Variants in RASGRP3 observed in about 807,000 individuals in gnomAD.
The protein encoded by RASGRP3 is RAS guanyl releasing protein 3.
In RASGRP3, 54 loss-of-function variants were observed where a neutral mutation model predicts 82.7. The observed-to-expected ratio is 0.65, with a 90% CI of 0.52 to 0.82. RASGRP3 has a LOEUF of 0.82. Among genes scored for constraint, RASGRP3 ranks in the 40% least tolerant of loss-of-function variants. The probability of loss-of-function intolerance (pLI) is 0.00; values close to 1 mark genes in which losing one functional copy is unlikely to be tolerated. For synonymous variants in RASGRP3, 309 were observed against 300.5 expected, an observed-to-expected ratio of 1.03 and a Z score of -0.29; for missense variants, 861 against 828.9, an observed-to-expected ratio of 1.04 and a Z score of -0.48.
intron 1 of RASGRP3, among the ~76,000 whole-genome samples, chr2:33,508,328 G>A (rs1670597281): frequency 6.6e-6 from 1 of 152,108 alleles, no homozygotes; most frequent in Admixed American, 6.5e-5. Flanking sequence ...GTTAAGACCT[G>A]GGCATCTTTA....
intron 2 of RASGRP3, among the ~76,000 whole-genome samples, chr2:33,452,892 C>G (rs1348321183): frequency 6.6e-6 from 1 of 152,208 alleles, no homozygotes; most frequent in African/African-American, 2.4e-5. Context: ...CCTGGATGCC[C>G]TTATCCACAG....
chr2:33,505,876 G>T (rs1298532878), intron 1 of RASGRP3, among the ~76,000 whole-genome samples: 2 of 152,150 alleles, frequency 1.3e-5, no homozygotes, highest in Non-Finnish European at 2.9e-5. Context: ...GCAGCCAAAT[G>T]CTAGGAGAAT....
chr2:33,474,940 A>T (rs868086608), upstream of RASGRP3, among the ~76,000 whole-genome samples: 2 of 152,216 alleles, frequency 1.3e-5, no homozygotes, highest in African/African-American at 4.8e-5. Flanking sequence ...GTGGCATGCA[A>T]TGGATCATCA....
chr2:33,486,359 G>C (rs1479142955), intron 1 of RASGRP3, among the ~76,000 whole-genome samples: 2 of 151,862 alleles, frequency 1.3e-5, no homozygotes, highest in Non-Finnish European at 2.9e-5. Flanking sequence ...GTAGAGATGG[G>C]GTTTTGCCAT....
At chr2:33,495,250 C>CA (rs1194406495) in intron 1 of RASGRP3, among the ~76,000 whole-genome samples, 2 of 152,166 alleles carry the variant, frequency 1.3e-5, no homozygotes, top group African/African-American at 4.8e-5. Context: ...ACTGTTTTTC[C>CA]ACAGACAGGG....
chr2:33,545,656 G>T (rs1674660137), intron 13 of RASGRP3, among the ~76,000 whole-genome samples: 1 of 152,106 alleles, frequency 6.6e-6, no homozygotes, highest in Non-Finnish European at 1.5e-5. Context: ...AGTAGGCAAA[G>T]GACATGAATA....
intron 1 of RASGRP3, among the ~76,000 whole-genome samples, chr2:33,494,089 C>A (rs1292113226): frequency 2.0e-5 from 3 of 152,178 alleles, no homozygotes; most frequent in Non-Finnish European, 4.4e-5. Flanking sequence ...CTATTTACAA[C>A]TTAGGCAAAT....
intron 17 of RASGRP3, chr2:33,559,713 A>C: frequency 2.0e-6 from 1 of 491,964 alleles, no homozygotes; most frequent in Non-Finnish European, 4.1e-6. Flanking sequence ...TATTCCTAAC[A>C]TTTAAAGCAA....
At chr2:33,487,062 C>A (rs1221712493) in intron 1 of RASGRP3, among the ~76,000 whole-genome samples, 1 of 152,044 alleles carries the variant, frequency 6.6e-6, no homozygotes, top group African/African-American at 2.4e-5. Flanking sequence ...ATTTATATAT[C>A]CCTACCGATG....
At chr2:33,458,926 G>A (rs895807326) in intron 2 of RASGRP3, among the ~76,000 whole-genome samples, 1 of 151,910 alleles carries the variant, frequency 6.6e-6, no homozygotes, top group Non-Finnish European at 1.5e-5. Flanking sequence ...ACTAACTGGG[G>A]GCAAATAGAC....
intron 14 of RASGRP3, among the ~76,000 whole-genome samples, chr2:33,550,358 C>T (rs78843856): frequency 1.8e-3 from 268 of 152,264 alleles, no homozygotes; most frequent in African/African-American, 6.2e-3. Flanking sequence ...GAGGATAACC[C>T]AGGTTCCCGA....
At chr2:33,534,694 A>AT (rs71910431) in intron 11 of RASGRP3, among the ~76,000 whole-genome samples, 33,815 of 122,066 alleles carry the variant, frequency 0.28, 5,077 homozygotes, top group African/African-American at 0.36. Flanking sequence ...ACACCCAGCA[A>AT]TTTTTTTTTT....
At chr2:33,540,556 T>TGTG (rs1558506275) in intron 12 of RASGRP3, among the ~76,000 whole-genome samples, 522 of 38,638 alleles carry the variant, frequency 0.014, 58 homozygotes, top group East Asian at 0.03. Context: ...TGTGTGTGTT[T>TGTG]TGTGTGTGTG....
chr2:33,503,586 AAC>A (rs985639145), intron 1 of RASGRP3, among the ~76,000 whole-genome samples: 3 of 140,368 alleles, frequency 2.1e-5, no homozygotes, highest in East Asian at 4.0e-4. Flanking sequence ...AATAATTTTA[AAC>A]ACACTTTTTT....
intron 1 of RASGRP3, among the ~76,000 whole-genome samples, chr2:33,480,830 G>A (rs568921668): frequency 6.6e-6 from 1 of 152,270 alleles, no homozygotes; most frequent in South Asian, 2.1e-4. Context: ...GAAGTCTTTG[G>A]ATTTTTTTGC....
At chr2:33,477,458 G>A (rs1304042897) in intron 1 of RASGRP3, among the ~76,000 whole-genome samples, 1 of 152,124 alleles carries the variant, frequency 6.6e-6, no homozygotes, top group Non-Finnish European at 1.5e-5. Flanking sequence ...CCTTATTTTA[G>A]TGTTTTCGTG....
At chr2:33,491,567 A>G (rs955499189) in intron 1 of RASGRP3, among the ~76,000 whole-genome samples, 1 of 152,268 alleles carries the variant, frequency 6.6e-6, no homozygotes, top group African/African-American at 2.4e-5. Flanking sequence ...GACATTAACT[A>G]CATACAAAAT....
At chr2:33,454,339 C>T (rs536752250) in intron 2 of RASGRP3, among the ~76,000 whole-genome samples, 3 of 152,164 alleles carry the variant, frequency 2.0e-5, no homozygotes, top group African/African-American at 7.2e-5. Flanking sequence ...TTTGATGTAA[C>T]CCTGTAACTA....
chr2:33,530,097 A>T (rs1418476245), intron 10 of RASGRP3, among the ~76,000 whole-genome samples: 7 of 152,176 alleles, frequency 4.6e-5, no homozygotes, highest in Non-Finnish European at 7.3e-5. Context: ...CATTTTAGGA[A>T]GCACACACAT....
Sources: allele counts gnomAD v4.1 joint callset (sites outside exome capture counted in the v4.1 genomes callset), GRCh38; gene constraint gnomAD v4.1.1; transcripts MANE v1.5; gene names NCBI Gene and HGNC (gene_info 2026-07-23, HGNC 2026-07-21).